The following SLC9A8 variants were observed in gnomAD, a reference collection of about 807,000 sequenced individuals.
SLC9A8 encodes the protein solute carrier family 9 member A8, also known as sodium/hydrogen exchanger 8.
In SLC9A8, 48 loss-of-function variants were observed where a neutral mutation model predicts 66.6. The ratio of observed to expected loss-of-function variants is 0.72; its 90% CI spans 0.57 to 0.92. The LOEUF (loss-of-function observed/expected upper bound fraction) is 0.92, where lower values mean the gene tolerates loss of function less well. Ranked by LOEUF, SLC9A8 falls within the 40% of genes least tolerant of loss-of-function variation. The probability of loss-of-function intolerance (pLI) is 0.00; values close to 1 mark genes in which losing one functional copy is unlikely to be tolerated. For synonymous variants in SLC9A8, 274 were observed against 282.6 expected (o/e 0.97, Z 0.31); for missense variants, 599 against 747.3 (o/e 0.80, Z 2.31).
chr20:49,844,042 T>C (rs987417835), intron 4 of SLC9A8, among the ~76,000 whole-genome samples: 7 of 152,118 alleles, frequency 4.6e-5, no homozygotes, highest in Non-Finnish European at 1.0e-4. Context: ...CTAAGGTTCT[T>C]ATCAGATACC....
chr20:49,849,470 C>A, intron 5 of SLC9A8, 109 bp from the exon 6 acceptor site: 1 of 802,738 alleles, frequency 1.2e-6, no homozygotes, highest in Non-Finnish European at 2.1e-6. Flanking sequence ...GGCAGTGGTG[C>A]CTTTTACAGA....
chr20:49,832,194 G>C (rs1461715779), intron 3 of SLC9A8, among the ~76,000 whole-genome samples: 1 of 152,150 alleles, frequency 6.6e-6, no homozygotes, highest in Non-Finnish European at 1.5e-5. Flanking sequence ...CTTTCTGTCT[G>C]TCTGTCCCTT....
rs201792505 is a variant in SLC9A8, at chr20:49,871,699, A to G, written c.959-3006A>G. ...CTGCTGACCCTCTTTCCTTTCGCCT[A>G]GAACTCAAGGTGCCCTGACCCCACA... On this transcript the variant is annotated intron_variant, in intron 10 of 15. Transcript: ENST00000361573. 2.6e-5 allele frequency among the ~76,000 whole-genome samples: 4 copies of G among 152,148 alleles called. No homozygotes were observed. The East Asian group carries it at 7.7e-4, about 29-fold the overall frequency.
chr20:49,815,235 G>C, intron 2 of SLC9A8, 46 bp downstream of exon 2: 1 of 1,442,904 alleles, frequency 6.9e-7, no homozygotes, highest in Non-Finnish European at 9.2e-7. Flanking sequence ...TCCCGTGTCT[G>C]TGTGCTCGGT....
intron 3 of SLC9A8, chr20:49,829,693 A>T (rs1363229933): frequency 1.7e-5 from 8 of 480,398 alleles, no homozygotes; most frequent in Non-Finnish European, 3.3e-5. Flanking sequence ...GATGCCGCCA[A>T]AGAGTTTCTC....
chr20:49,827,601 C>T (rs1329560439), intron 3 of SLC9A8, among the ~76,000 whole-genome samples: 1 of 144,254 alleles, frequency 6.9e-6, no homozygotes, highest in Non-Finnish European at 1.5e-5. Flanking sequence ...GAGACTGCAT[C>T]TCGAAAAAAA....
rs2087413699 is a variant in SLC9A8 at position 49,834,400 on chromosome 20, A to AGT, written c.290-5141_290-5140insGT. Among the ~76,000 whole-genome samples the AGT allele has an allele frequency of 3.8e-3, 236 of 62,218 alleles. 2 individuals carry two copies. Among genetic ancestry groups the AGT allele is most frequent in the African/African-American group, 6.2e-3 (60 of 9,676 alleles). 40.8% of individuals were successfully genotyped at this position (62,218 alleles called of 152,430 possible). The stretch of plus-strand genomic sequence containing the variant: ...ATATATATACTGTGTATATATATAT[A>AGT]CTGTGTATATATATATACTGTATAT... On this transcript the variant is annotated intron_variant, in intron 3 of 15. Transcript: ENST00000361573.
intron 8 of SLC9A8, among the ~76,000 whole-genome samples, chr20:49,861,654 G>A (rs905421321): frequency 1.3e-5 from 2 of 152,124 alleles, no homozygotes; most frequent in African/African-American, 4.8e-5. Flanking sequence ...TGGGAGTAAA[G>A]GGCAGTAGGG....
At chr20:49,822,279 T>G (rs1356025053) in intron 2 of SLC9A8, among the ~76,000 whole-genome samples, 1 of 152,122 alleles carries the variant, frequency 6.6e-6, no homozygotes, top group African/African-American at 2.4e-5. Context: ...CCCTCTATGT[T>G]AAGAGCCAGT....
intron 3 of SLC9A8, among the ~76,000 whole-genome samples, chr20:49,836,201 T>C (rs186301213): frequency 7.5e-4 from 115 of 152,338 alleles, no homozygotes; most frequent in Non-Finnish European, 1.3e-3. Flanking sequence ...TTCTTTCACT[T>C]GGTGTATTTT....
At chr20:49,883,335 T>C (rs536578987) in intron 13 of SLC9A8, among the ~76,000 whole-genome samples, 5 of 152,218 alleles carry the variant, frequency 3.3e-5, no homozygotes, top group African/African-American at 7.2e-5. Flanking sequence ...ACTGGACACA[T>C]TGCATCTTGT....
chr20:49,883,461 A>G (rs1344190985), intron 13 of SLC9A8, among the ~76,000 whole-genome samples: 1 of 152,128 alleles, frequency 6.6e-6, no homozygotes, highest in East Asian at 1.9e-4. Flanking sequence ...TCCTGTGAAG[A>G]TCCAGTGATG....
intron 4 of SLC9A8, among the ~76,000 whole-genome samples, chr20:49,841,053 C>G (rs927797130): frequency 6.6e-6 from 1 of 151,926 alleles, no homozygotes; most frequent in Non-Finnish European, 1.5e-5. Flanking sequence ...GCCTGTAATC[C>G]CAGAATTTTG....
intron 14 of SLC9A8, 76 bp downstream of exon 14, chr20:49,884,142 A>C (rs2089733956): frequency 7.9e-7 from 1 of 1,273,760 alleles, no homozygotes; most frequent in Admixed American, 1.8e-5. Context: ...CTGTCAGGAA[A>C]TGGGGAGATG....
intron 9 of SLC9A8, among the ~76,000 whole-genome samples, chr20:49,863,548 C>G (rs921773125): frequency 1.3e-5 from 2 of 151,914 alleles, no homozygotes; most frequent in Admixed American, 6.5e-5. Flanking sequence ...AGTGAGACCT[C>G]ATCTCTAAAA....
At chr20:49,821,983 C>T (rs1228672897) in intron 2 of SLC9A8, among the ~76,000 whole-genome samples, 1 of 152,150 alleles carries the variant, frequency 6.6e-6, no homozygotes, top group Non-Finnish European at 1.5e-5. Context: ...ACTGCAGCAC[C>T]TACCAGTGGT....
chr20:49,863,128 A>G, intron 9 of SLC9A8, 61 bp downstream of exon 9: 2 of 1,458,092 alleles, frequency 1.4e-6, no homozygotes. Flanking sequence ...TTCTGTCTCT[A>G]GCCAGTTTCT....
chr20:49,867,071 T>A (rs2089000808), intron 10 of SLC9A8, among the ~76,000 whole-genome samples: 1 of 152,224 alleles, frequency 6.6e-6, no homozygotes, highest in Admixed American at 6.5e-5. Context: ...GCTAATTCCG[T>A]CATCTCTGTC....
At chr20:49,855,144 G>A (rs2088418567) in intron 7 of SLC9A8, among the ~76,000 whole-genome samples, 1 of 152,322 alleles carries the variant, frequency 6.6e-6, no homozygotes, top group Admixed American at 6.5e-5. Context: ...ACTGGGCGGT[G>A]TATGATAAAT....
Sources: gnomAD v4.1 joint callset for allele counts (sites outside exome capture counted in the v4.1 genomes callset) on GRCh38, gnomAD v4.1.1 for gene constraint, MANE v1.5 for transcripts, NCBI Gene and HGNC (gene_info 2026-07-23, HGNC 2026-07-21) for gene names.